KDM5B: variants seen among roughly 807,000 people sequenced by gnomAD.
KDM5B encodes the protein lysine demethylase 5B.
In KDM5B, 144 loss-of-function variants were observed where a neutral mutation model predicts 193.4. That is an observed-to-expected ratio of 0.74 (90% CI 0.65 to 0.86). The LOEUF (loss-of-function observed/expected upper bound fraction) is 0.86, where lower values mean the gene tolerates loss of function less well. Among genes scored for constraint, KDM5B ranks in the 40% least tolerant of loss-of-function variants. KDM5B has a pLI of 0.00. For synonymous variants in KDM5B, 668 were observed against 682.6 expected, an observed-to-expected ratio of 0.98 and a Z score of 0.33; for missense variants, 1,833 against 1,886.9, an observed-to-expected ratio of 0.97 and a Z score of 0.53.
intron 5 of KDM5B, among the ~76,000 whole-genome samples, chr1:202,765,510 T>C (rs1224085780): frequency 6.6e-6 from 1 of 152,228 alleles, no homozygotes; most frequent in East Asian, 1.9e-4. Flanking sequence ...GATGTAGGCA[T>C]CCACAGCACT....
chr1:202,799,752 T>C (rs1178307733), intron 1 of KDM5B, among the ~76,000 whole-genome samples: 1 of 152,154 alleles, frequency 6.6e-6, no homozygotes, highest in Non-Finnish European at 1.5e-5. Context: ...TTTTTATCCC[T>C]GCAAAATAAT....
chr1:202,761,471 T>C (rs1656246976), intron 7 of KDM5B, among the ~76,000 whole-genome samples: 1 of 152,160 alleles, frequency 6.6e-6, no homozygotes, highest in African/African-American at 2.4e-5. Context: ...TAAGGGGACA[T>C]GGTTCAGAAG....
At position 202,755,425 on chromosome 1, in the gene KDM5B, T is replaced by A. The variant is rs769296650; in HGVS notation, c.1384A>T (p.Asn462Tyr). The change falls in exon 11 of 27, where the codon AAC becomes TAC. Residue 462 changes from asparagine to tyrosine, a missense_variant. Transcript: ENST00000367265. The stretch of plus-strand genomic sequence containing the variant: ...GACTGCTCCATCACTGGCATGTTGT[T>A]CAAATTCCAGCCACTATCAAGATAC... Reference protein sequence around the residue: ...EEYLDSGWNLNNMPVMEQSVL... With the variant: ...EEYLDSGWNLYNMPVMEQSVL... 6.2e-7 allele frequency: 1 copy of A among 1,613,628 alleles called. No homozygotes were observed. The highest frequency in any genetic ancestry group is 8.5e-7 in the Non-Finnish European group (1 of 1,179,702).
intron 1 of KDM5B, among the ~76,000 whole-genome samples, chr1:202,807,732 C>T (rs895905459): frequency 6.6e-6 from 1 of 150,898 alleles, no homozygotes; most frequent in African/African-American, 2.4e-5. Context: ...GCCCACAGTC[C>T]TCCCTCCAGC....
chr1:202,791,129 TG>T (rs1279502885), intron 1 of KDM5B, among the ~76,000 whole-genome samples: 2 of 152,216 alleles, frequency 1.3e-5, no homozygotes, highest in African/African-American at 4.8e-5. Flanking sequence ...GACTATGCTG[TG>T]TGACTGTAGT....
intron 14 of KDM5B, 44 bp downstream of exon 14, chr1:202,748,901 T>C: frequency 6.6e-7 from 1 of 1,511,356 alleles, no homozygotes; most frequent in Non-Finnish European, 9.0e-7. Flanking sequence ...TTTTACTAAA[T>C]AATACCCAAT....
At chr1:202,758,564 TG>T in intron 8 of KDM5B, 54 bp from the exon 9 acceptor site, 1 of 1,440,090 alleles carries the variant, frequency 6.9e-7, no homozygotes, top group Non-Finnish European at 9.4e-7. Flanking sequence ...CAAGTATACT[TG>T]GTCAATCATC....
chr1:202,794,986 G>A (rs1355311293), intron 1 of KDM5B, among the ~76,000 whole-genome samples: 2 of 152,010 alleles, frequency 1.3e-5, no homozygotes, highest in Non-Finnish European at 2.9e-5. Context: ...GCTGAGGCGG[G>A]CAGATCACTT....
rs200973415 is a variant in KDM5B at position 202,740,718 on chromosome 1, C to G, written c.3040G>C (p.Val1014Leu). ...LPNGAALKDSVQRARDWLQDV... is the reference protein window; with the variant it reads ...LPNGAALKDSLQRARDWLQDV... Reference sequence around the variant, plus strand: ...TGAAGCCAGTCTCTGGCTCTCTGCACTGAGTCTTTCAGAGCCGCACCATTG... The same window carrying G: ...TGAAGCCAGTCTCTGGCTCTCTGCAGTGAGTCTTTCAGAGCCGCACCATTG... The change falls in exon 20 of 27, where the codon GTG becomes CTG. Residue 1014 changes from valine to leucine, a missense_variant. By Grantham distance (32) the Val-to-Leu change is conservative (BLOSUM62 1). Coordinates refer to ENST00000367265, the MANE Select transcript of KDM5B (RefSeq NM_006618.5). 3.9e-4 allele frequency: 636 copies of G among 1,612,960 alleles called. No individual in the cohort carries two copies. Among genetic ancestry groups the G allele is most frequent in the Non-Finnish European group, 5.1e-4 (607 of 1,179,990 alleles).
chr1:202,761,285 A>G (rs1363773329), intron 7 of KDM5B, among the ~76,000 whole-genome samples: 1 of 152,086 alleles, frequency 6.6e-6, no homozygotes. Context: ...AAGAAATTTA[A>G]AAAAGAAAAA....
intron 13 of KDM5B, among the ~76,000 whole-genome samples, chr1:202,749,920 T>C (rs1655725449): frequency 6.6e-6 from 1 of 152,208 alleles, no homozygotes; most frequent in Non-Finnish European, 1.5e-5. Context: ...TTTAGGTAAA[T>C]GAAAAGTATT....
chr1:202,799,618 A>C (rs542767144), intron 1 of KDM5B, among the ~76,000 whole-genome samples: 111 of 151,298 alleles, frequency 7.3e-4, no homozygotes, highest in African/African-American at 2.6e-3. Flanking sequence ...ACGCCACTGC[A>C]TGCACTCCAG....
Position 202,774,847 on chromosome 1 carries a change from T to A in KDM5B, c.283-112A>T, listed in dbSNP as rs1019225796. 7 of 952,976 alleles carry A rather than the reference T, an allele frequency of 7.3e-6. No individual in the cohort carries two copies. The African/African-American group carries it at 1.3e-4, about 18-fold the overall frequency. 59.0% of individuals were successfully genotyped at this position (952,976 alleles called of 1,614,324 possible). A position where few individuals can be genotyped will look rare whatever the true frequency, so the allele number is the denominator to read the frequency against. ...TAAGTACAATACCACTTAAAAAAATTTTTTTTTAATTTAATGCTCTTTCAG... is the reference window on the plus strand; with the variant it reads ...TAAGTACAATACCACTTAAAAAAATATTTTTTTAATTTAATGCTCTTTCAG... On this transcript the variant is annotated intron_variant, in intron 2 of 26. Coordinates refer to ENST00000367265, the MANE Select transcript of KDM5B (RefSeq NM_006618.5).
At position 202,774,607 on chromosome 1, in the gene KDM5B, C is replaced by G; in HGVS notation, c.405+6G>C. 1 of 1,608,498 alleles carries G rather than the reference C, an allele frequency of 6.2e-7. No homozygotes were observed. The highest frequency in any genetic ancestry group is 8.5e-7 in the Non-Finnish European group (1 of 1,176,282). On this transcript the variant is annotated splice_donor_region_variant and intron_variant, in intron 3 of 26. Coordinates refer to ENST00000367265, the MANE Select transcript of KDM5B (RefSeq NM_006618.5). Reference sequence around the variant, plus strand: ...AAAATAAGTAAGATGGTCATTAGCTCTTTACCTTATTAAGCTGAAATAAGT... The same window carrying G: ...AAAATAAGTAAGATGGTCATTAGCTGTTTACCTTATTAAGCTGAAATAAGT...
rs369610398 is a variant in KDM5B at position 202,745,976 on chromosome 1, C to T, written c.2205G>A (p.Arg735=). The T allele has an allele frequency of 1.9e-6, 3 of 1,613,692 alleles. No homozygotes were observed. The African/African-American group carries it at 4.0e-5, about 22-fold the overall frequency. ...TAGGGTAGAGATCATCCAGCGTGTA[C>T]CTATACCTGGAAATAATACCACCAC... ...CPPYKYKLRY[R]YTLDDLYPMM... is the part of the protein sequence containing the mutation. The change falls in exon 16 of 27, where the codon AGG becomes AGA. Residue 735 remains arginine, a synonymous_variant. Transcript: ENST00000367265.
chr1:202,742,851 AT>A, intron 16 of KDM5B, 46 bp from the exon 17 acceptor site: 1 of 1,527,884 alleles, frequency 6.5e-7, no homozygotes. Flanking sequence ...CATTATGTTT[AT>A]TACTACTGGT....
At chr1:202,800,043 T>G (rs753444187) in intron 1 of KDM5B, among the ~76,000 whole-genome samples, 1 of 152,166 alleles carries the variant, frequency 6.6e-6, no homozygotes, top group Admixed American at 6.6e-5. Context: ...AAAGGGACTT[T>G]TGTTTTGTTT....
At chr1:202,739,444 T>C (rs1655217418) in intron 20 of KDM5B, among the ~76,000 whole-genome samples, 2 of 150,076 alleles carry the variant, frequency 1.3e-5, no homozygotes, top group South Asian at 2.1e-4. Context: ...TATTGCTCTT[T>C]TTTTTTTTTG....
intron 20 of KDM5B, among the ~76,000 whole-genome samples, chr1:202,737,526 G>A (rs760228978): frequency 6.6e-6 from 1 of 152,172 alleles, no homozygotes; most frequent in Non-Finnish European, 1.5e-5. Flanking sequence ...CATCACTAAT[G>A]GTAGGTCATC....
Sources: allele counts gnomAD v4.1 joint callset (sites outside exome capture counted in the v4.1 genomes callset), GRCh38; gene constraint gnomAD v4.1.1; transcripts MANE v1.5; gene names NCBI Gene and HGNC (gene_info 2026-07-23, HGNC 2026-07-21).